The following DLGAP2 variants were observed in gnomAD, a reference collection of about 807,000 sequenced individuals.
The protein encoded by DLGAP2 is disks large-associated protein 2.
A neutral mutation model predicts 100.3 loss-of-function variants in DLGAP2; 26 were observed. That is an observed-to-expected ratio of 0.26 (90% CI 0.19 to 0.36). DLGAP2 has a LOEUF of 0.36. DLGAP2 is among the 10% of genes least tolerant of loss of function. DLGAP2 has a pLI of 1.00. For synonymous variants in DLGAP2, 886 were observed against 630.1 expected, an observed-to-expected ratio of 1.41 and a Z score of -6.08; for missense variants, 1,858 against 1,453.2, an observed-to-expected ratio of 1.28 and a Z score of -4.53.
Position 1,385,560 on chromosome 8 carries a change from AGAACTTGGTGCACAATTACCCGGCCTG to A in DLGAP2, c.107-115805_107-115779del, listed in dbSNP as rs1291921928. 2.7e-4 allele frequency among the ~76,000 whole-genome samples: 12 copies of A among 44,234 alleles called. 2 individuals are homozygous for A. The highest frequency in any genetic ancestry group is 1.1e-3 in the African/African-American group (12 of 10,592). 29.0% of individuals were successfully genotyped at this position (44,234 alleles called of 152,430 possible). On this transcript the variant is annotated intron_variant, in intron 3 of 14. Coordinates refer to ENST00000637795, the MANE Select transcript of DLGAP2 (RefSeq NM_001346810.2). ...TTACCCGGCCTGTGCCCGTCCCCTG[AGAACTTGGTGCACAATTACCCGGCCTG>A]TGCCCGTCCCCTGAGAACTTGGTGC...
intron 1 of DLGAP2, among the ~76,000 whole-genome samples, chr8:803,548 C>T (rs1454470027): frequency 5.4e-5 from 8 of 146,846 alleles, no homozygotes; most frequent in Non-Finnish European, 1.2e-4. Flanking sequence ...TCTGACGTTA[C>T]CAGTGAGATG....
intron 6 of DLGAP2, among the ~76,000 whole-genome samples, chr8:1,595,918 ACGGG>A (rs1356440495): frequency 6.6e-6 from 1 of 151,960 alleles, no homozygotes; most frequent in East Asian, 1.9e-4. Context: ...CATGTGCACA[ACGGG>A]CAGGTTTGTT....
intron 8 of DLGAP2, among the ~76,000 whole-genome samples, chr8:1,655,761 C>G (rs1798269716): frequency 6.6e-6 from 1 of 152,214 alleles, no homozygotes; most frequent in African/African-American, 2.4e-5. Flanking sequence ...AACCCAACAC[C>G]TTGAAGACCT....
chr8:1,159,548 T>A (rs2129052472), intron 2 of DLGAP2, among the ~76,000 whole-genome samples: 2 of 149,518 alleles, frequency 1.3e-5, no homozygotes, highest in South Asian at 4.3e-4. Flanking sequence ...CTAAGATGTG[T>A]TCTAAACAAC....
chr8:1,276,001 TATAA>T lies in DLGAP2; in HGVS notation c.106+17122_106+17125del, dbSNP rs889391237. On this transcript the variant is annotated intron_variant, in intron 3 of 14. Coordinates refer to ENST00000637795, the MANE Select transcript of DLGAP2 (RefSeq NM_001346810.2). ...ATATAATATATAAATAAATGTAATA[TATAA>T]ATAGATATAGAATATATAAATAAAT... Among the ~76,000 whole-genome samples the T allele has an allele frequency of 9.6e-4, 119 of 124,362 alleles. 2 individuals carry two copies. Among genetic ancestry groups the T allele is most frequent in the Non-Finnish European group, 1.5e-3 (93 of 60,850 alleles). 81.6% of individuals were successfully genotyped at this position (124,362 alleles called of 152,430 possible).
chr8:1,610,766 C>A (rs181914146), intron 6 of DLGAP2, among the ~76,000 whole-genome samples: 1 of 146,830 alleles, frequency 6.8e-6, no homozygotes, highest in African/African-American at 2.7e-5. Context: ...AACACCTCTA[C>A]GCAAATAAAC....
rs549974576 is a variant in DLGAP2 at position 1,606,918 on chromosome 8, C to G, written c.1443-19822C>G. Among the ~76,000 whole-genome samples, 14 of 152,280 alleles carry G rather than the reference C, an allele frequency of 9.2e-5. No individual in the cohort carries two copies. In the South Asian group the frequency reaches 2.9e-3, roughly 32 times the overall value. On this transcript the variant is annotated intron_variant, in intron 6 of 14. Coordinates refer to ENST00000637795, the MANE Select transcript of DLGAP2 (RefSeq NM_001346810.2). ...CAGGCTAGTCTCAAACTCCTAAGCT[C>G]GAGAGATCCACCTACCGCAGCCTCC...
At chr8:1,529,160 C>T (rs747553780) in intron 4 of DLGAP2, among the ~76,000 whole-genome samples, 5 of 152,096 alleles carry the variant, frequency 3.3e-5, no homozygotes, top group South Asian at 2.1e-4. Flanking sequence ...ACAATCGTGG[C>T]GGAAGGTGAA....
At chr8:1,511,478 A>G (rs1051776454) in intron 4 of DLGAP2, among the ~76,000 whole-genome samples, 8 of 149,830 alleles carry the variant, frequency 5.3e-5, no homozygotes, top group African/African-American at 1.5e-4. Context: ...GTGTAGGACA[A>G]TCAATAGATG....
intron 1 of DLGAP2, among the ~76,000 whole-genome samples, chr8:826,119 C>G (rs1001272645): frequency 6.6e-6 from 1 of 152,216 alleles, no homozygotes; most frequent in African/African-American, 2.4e-5. Context: ...ACACAATCAA[C>G]TCCAGTTCCA....
At chr8:1,551,898 G>C (rs1801780309) in intron 5 of DLGAP2, among the ~76,000 whole-genome samples, 1 of 152,172 alleles carries the variant, frequency 6.6e-6, no homozygotes, top group African/African-American at 2.4e-5. Flanking sequence ...GCTTTTATTT[G>C]AATCAGGATC....
chr8:1,706,288 T>G lies in DLGAP2; in HGVS notation c.*4882T>G, dbSNP rs757499789. The G allele has an allele frequency of 2.6e-5, 4 of 152,256 alleles. No homozygotes were observed. The highest frequency in any genetic ancestry group is 5.9e-5 in the Non-Finnish European group (4 of 68,052). The allele number at this position is 152,256 out of a possible 1,614,324, so 9.4% of individuals were successfully genotyped here. On this transcript the variant is annotated 3_prime_UTR_variant, in exon 15 of 15. Coordinates refer to ENST00000637795, the MANE Select transcript of DLGAP2 (RefSeq NM_001346810.2). Reference sequence around the variant, plus strand: ...AGTTTTTTTCCTCTAGAAAGGGGATTACAGTTCCTGTCCCTGTCTTCCTCC... The same window carrying G: ...AGTTTTTTTCCTCTAGAAAGGGGATGACAGTTCCTGTCCCTGTCTTCCTCC...
At chr8:1,359,107 A>G (rs1280302742) in intron 3 of DLGAP2, among the ~76,000 whole-genome samples, 1 of 152,196 alleles carries the variant, frequency 6.6e-6, no homozygotes, top group Admixed American at 6.5e-5. Context: ...TGCTGAGGTC[A>G]TCAGTCCGGG....
intron 2 of DLGAP2, among the ~76,000 whole-genome samples, chr8:1,050,715 A>G (rs2701911): frequency 0.074 from 11,232 of 152,206 alleles, 667 homozygotes; most frequent in East Asian, 0.15. Flanking sequence ...CACGTAACAC[A>G]TTTTAAAGTA....
intron 2 of DLGAP2, among the ~76,000 whole-genome samples, chr8:1,167,380 G>T (rs764883012): frequency 6.6e-6 from 1 of 152,130 alleles, no homozygotes; most frequent in Admixed American, 6.5e-5. Context: ...TTGCTAAGCA[G>T]GAAGAAAAAG....
intron 2 of DLGAP2, among the ~76,000 whole-genome samples, chr8:1,067,604 C>CGTGTGT (rs3220190): frequency 0.02 from 2,763 of 140,374 alleles, 35 homozygotes; most frequent in East Asian, 0.037. Context: ...GGTTGAGTGA[C>CGTGTGT]GTGTGTGTGT....
intron 2 of DLGAP2, among the ~76,000 whole-genome samples, chr8:1,254,455 C>T (rs2116889040): frequency 6.6e-6 from 1 of 152,286 alleles, no homozygotes; most frequent in South Asian, 2.1e-4. Context: ...AAATAAGATG[C>T]AATGGGCTTC....
Position 1,504,790 on chromosome 8 carries a change from G to A in DLGAP2, c.172+3359G>A, listed in dbSNP as rs142237601. ...CTGTGCCTCTGCTGATGGGCTTGAG[G>A]TTGGTTCTGCGTGTTGGCTGTGGTG... On this transcript the variant is annotated intron_variant, in intron 4 of 14. Transcript: ENST00000637795. 1.5e-3 allele frequency among the ~76,000 whole-genome samples: 232 copies of A among 152,320 alleles called. 3 individuals carry two copies. The highest frequency in any genetic ancestry group is 5.3e-3 in the African/African-American group (219 of 41,568).
At chr8:1,535,708 G>A (rs559092754) in intron 4 of DLGAP2, among the ~76,000 whole-genome samples, 38 of 152,338 alleles carry the variant, frequency 2.5e-4, no homozygotes, top group African/African-American at 8.2e-4. Flanking sequence ...TTGGTGCAAC[G>A]GCCCTGGTGT....
Sources: gnomAD v4.1 joint callset for allele counts (sites outside exome capture counted in the v4.1 genomes callset) on GRCh38, gnomAD v4.1.1 for gene constraint, MANE v1.5 for transcripts, NCBI Gene and HGNC (gene_info 2026-07-23, HGNC 2026-07-21) for gene names.